Variants in CFAP54 observed in about 807,000 individuals in gnomAD.
CFAP54 encodes the protein cilia and flagella associated protein 54, also known as cilia- and flagella-associated protein 54.
CFAP54 carries 290 observed loss-of-function variants against 370.4 expected under a neutral mutation model. The ratio of observed to expected loss-of-function variants is 0.78; its 90% CI spans 0.71 to 0.86. The LOEUF (loss-of-function observed/expected upper bound fraction) is 0.86, where lower values mean the gene tolerates loss of function less well. Among genes scored for constraint, CFAP54 ranks in the 40% least tolerant of loss-of-function variants. The pLI, the probability that CFAP54 is intolerant of heterozygous loss-of-function variation, is 0.00. For synonymous variants in CFAP54, 1,206 were observed against 1,236.5 expected, an observed-to-expected ratio of 0.98 and a Z score of 0.52; for missense variants, 3,399 against 3,528.7, an observed-to-expected ratio of 0.96 and a Z score of 0.93.
rs1354849588 is a variant in CFAP54 at position 96,598,657 on chromosome 12, T to C, written c.3529T>C (p.Cys1177Arg). 1 of 645,372 alleles carries C rather than the reference T, an allele frequency of 1.5e-6. No individual in the cohort carries two copies. Among genetic ancestry groups the C allele is most frequent in the South Asian group, 1.8e-5 (1 of 55,380 alleles). The allele number at this position is 645,372 out of a possible 1,614,324, so 40.0% of individuals were successfully genotyped here. Residue 1177 changes from cysteine to arginine, a missense_variant, in exon 26 of 68, where the codon TGT (cysteine) becomes CGT (arginine). Cys to Arg is a radical substitution (Grantham distance 180). This residue lies in a region of CFAP54 where 2,796 missense variants were observed against 2,869.7 expected (regional missense o/e 0.97). Transcript: ENST00000524981. ...LVPVVQILIK[C>R]IVVLQGLPSI... The stretch of plus-strand genomic sequence containing the variant: ...TTCTAATTTTTAGATCCTGATAAAG[T>C]GTATAGTGGTTTTGCAAGGACTACC...
chr12:96,612,418 C>A (rs1260860166), intron 26 of CFAP54, among the ~76,000 whole-genome samples: 11 of 152,178 alleles, frequency 7.2e-5, no homozygotes, highest in Admixed American at 7.2e-4. Flanking sequence ...CAACCAGTAC[C>A]AGCCACTGCA....
rs143657341 is a variant in CFAP54, at chr12:96,762,932, G to A, written c.8041-1219G>A. 1.4e-4 allele frequency among the ~76,000 whole-genome samples: 21 copies of A among 152,012 alleles called. No individual in the cohort carries two copies. The East Asian group carries it at 3.5e-3, about 25-fold the overall frequency. On this transcript the variant is annotated intron_variant, in intron 58 of 67. Transcript: ENST00000524981. Reference sequence around the variant, plus strand: ...TTGCTTTGACATCAGCATTGTACACGGCCTTTCTTTTTCTCTGGGAGTCTT... The same window carrying A: ...TTGCTTTGACATCAGCATTGTACACAGCCTTTCTTTTTCTCTGGGAGTCTT...
chr12:96,699,880 C>T lies in CFAP54; in HGVS notation c.6352-91C>T, dbSNP rs901378869. 1.0e-5 allele frequency: 11 copies of T among 1,072,894 alleles called. No homozygotes were observed. The East Asian group carries it at 2.7e-4, about 26-fold the overall frequency. The allele number at this position is 1,072,894 out of a possible 1,614,324, so 66.5% of individuals were successfully genotyped here. A position where few individuals can be genotyped will look rare whatever the true frequency, so the allele number is the denominator to read the frequency against. On this transcript the variant is annotated intron_variant, in intron 45 of 67. Transcript: ENST00000524981. ...CCAACATTAAGCAGAAACTTTGGAT[C>T]TCAGAAAGTTGACGATTTTCTCTAT...
intron 50 of CFAP54, among the ~76,000 whole-genome samples, chr12:96,732,216 C>T (rs1017735421): frequency 2.6e-5 from 4 of 152,122 alleles, no homozygotes; most frequent in African/African-American, 7.2e-5. Flanking sequence ...ACCTCTGCCT[C>T]CTGGGTTCAA....
chr12:96,640,326 T>C (rs1956710960), intron 32 of CFAP54, among the ~76,000 whole-genome samples: 1 of 152,180 alleles, frequency 6.6e-6, no homozygotes, highest in Non-Finnish European at 1.5e-5. Context: ...CCATTCACAA[T>C]TGCTTCAAAG....
At chr12:96,631,770 A>G (rs1441283437) in intron 32 of CFAP54, among the ~76,000 whole-genome samples, 1 of 150,580 alleles carries the variant, frequency 6.6e-6, no homozygotes, top group Non-Finnish European at 1.5e-5. Context: ...TGATTTATTC[A>G]GTCTCTCATA....
At chr12:96,747,408 T>G (rs567918076) in intron 55 of CFAP54, among the ~76,000 whole-genome samples, 16 of 152,320 alleles carry the variant, frequency 1.1e-4, no homozygotes, top group Admixed American at 5.2e-4. Context: ...TATAATGAAC[T>G]ACAATGAACA....
chr12:96,495,268 C>A (rs71460355), intron 1 of CFAP54, among the ~76,000 whole-genome samples: 1 of 145,686 alleles, frequency 6.9e-6, no homozygotes, highest in African/African-American at 2.5e-5. Context: ...TTCCTTCCTT[C>A]CTTCCTTCCT....
At chr12:96,615,720 C>T (rs1353450790) in intron 26 of CFAP54, among the ~76,000 whole-genome samples, 3 of 152,222 alleles carry the variant, frequency 2.0e-5, no homozygotes, top group Non-Finnish European at 4.4e-5. Context: ...ACAGACACTT[C>T]TCAAAAGAAG....
chr12:96,871,702 A>G (rs1286485455), intron 67 of CFAP54, among the ~76,000 whole-genome samples: 1 of 152,170 alleles, frequency 6.6e-6, no homozygotes. Flanking sequence ...CAGGATACAT[A>G]TGGAAATGGA....
chr12:96,811,147 G>A (rs1007811787), intron 63 of CFAP54, among the ~76,000 whole-genome samples: 1 of 152,126 alleles, frequency 6.6e-6, no homozygotes, highest in African/African-American at 2.4e-5. Context: ...CTAAGCTTCT[G>A]TGACTCTCAA....
chr12:96,848,083 C>A (rs1044661701), intron 66 of CFAP54, among the ~76,000 whole-genome samples: 2 of 151,978 alleles, frequency 1.3e-5, no homozygotes, highest in Non-Finnish European at 2.9e-5. Flanking sequence ...TGTTTTGTTT[C>A]GTTTTGTTTT....
At chr12:96,644,462 T>A in intron 33 of CFAP54, 54 bp downstream of exon 33, 1 of 1,246,304 alleles carries the variant, frequency 8.0e-7, no homozygotes, top group Non-Finnish European at 1.1e-6. Flanking sequence ...ACATGGATTG[T>A]ATTTGTATGT....
rs763932555 is a variant in CFAP54 at position 96,792,360 on chromosome 12, T to C, written c.8711T>C (p.Leu2904Ser). ...LYRDSSVQSI[L>S]SFKPVSGSSC... is the part of the protein sequence containing the mutation. ...CGCGATAGTTCTGTACAATCCATTTTATCTTTTAAGCCTGTTTCAGGCTCA... is the reference window on the plus strand; with the variant it reads ...CGCGATAGTTCTGTACAATCCATTTCATCTTTTAAGCCTGTTTCAGGCTCA... The change falls in exon 63 of 68, where the codon TTA becomes TCA. Residue 2904 changes from leucine (L) to serine (S), a missense_variant. Around this residue, in one of 3 missense-constraint regions of CFAP54, gnomAD observed 2,796 missense variants for 2,869.7 expected, o/e 0.97. Coordinates refer to ENST00000524981, the MANE Select transcript of CFAP54 (RefSeq NM_001306084.2). 13 of 1,535,318 alleles carry C rather than the reference T, an allele frequency of 8.5e-6. No homozygotes were observed. The South Asian group carries it at 1.6e-4, about 18-fold the overall frequency.
At chr12:96,507,530 C>T (rs201874923) in intron 4 of CFAP54, among the ~76,000 whole-genome samples, 310 of 69,094 alleles carry the variant, frequency 4.5e-3, no homozygotes, top group Non-Finnish European at 5.9e-3. Flanking sequence ...CACACACACA[C>T]ACATACACAC....
At chr12:96,826,043 A>T (rs1258158650) in intron 65 of CFAP54, among the ~76,000 whole-genome samples, 1 of 144,928 alleles carries the variant, frequency 6.9e-6, no homozygotes, top group African/African-American at 2.5e-5. Flanking sequence ...AATATATTAT[A>T]TATATTTTAT....
At chr12:96,751,815 G>A (rs1465547466) in intron 55 of CFAP54, among the ~76,000 whole-genome samples, 1 of 152,024 alleles carries the variant, frequency 6.6e-6, no homozygotes, top group Non-Finnish European at 1.5e-5. Flanking sequence ...GTGGGTGAGT[G>A]CCAATGTCAT....
intron 67 of CFAP54, among the ~76,000 whole-genome samples, chr12:96,874,837 T>TA (rs1429131461): frequency 4.6e-5 from 7 of 151,620 alleles, no homozygotes; most frequent in Admixed American, 3.9e-4. Flanking sequence ...CACCTTGGTC[T>TA]CGATCTCCTG....
chr12:96,670,151 G>A (rs1352170893), intron 39 of CFAP54, among the ~76,000 whole-genome samples: 1 of 151,218 alleles, frequency 6.6e-6, no homozygotes, highest in Non-Finnish European at 1.5e-5. Flanking sequence ...TATCTTCTAG[G>A]AGTGTATACA....
Sources: gnomAD v4.1 joint callset for allele counts (sites outside exome capture counted in the v4.1 genomes callset) on GRCh38, gnomAD v4.1.1 for gene constraint, gnomAD v4.1.1 regional missense constraint, MANE v1.5 for transcripts, NCBI Gene and HGNC (gene_info 2026-07-23, HGNC 2026-07-21) for gene names.